Variants in PCDHGA11 observed in about 807,000 individuals in gnomAD.
The protein encoded by PCDHGA11 is protocadherin gamma subfamily A, 11.
A neutral mutation model predicts 60.4 loss-of-function variants in PCDHGA11; 39 were observed. The observed-to-expected ratio is 0.65, with a 90% CI of 0.50 to 0.84. The LOEUF is 0.84. Ranked by LOEUF, PCDHGA11 falls within the 40% of genes least tolerant of loss-of-function variation. The probability of loss-of-function intolerance (pLI) is 0.00; values close to 1 mark genes in which losing one functional copy is unlikely to be tolerated. For missense variants in PCDHGA11, 1,165 were observed against 1,197.7 expected, an observed-to-expected ratio of 0.97 and a Z score of 0.40; for synonymous variants, 533 against 510.3, an observed-to-expected ratio of 1.04 and a Z score of -0.60.
chr5:141,510,229 C>T (rs904367594), intron 3 of PCDHGA11, among the ~76,000 whole-genome samples: 3 of 150,486 alleles, frequency 2.0e-5, no homozygotes, highest in African/African-American at 7.4e-5. Context: ...GCCGGGATCG[C>T]GCCACTGCAC....
At chr5:141,426,702 C>CA (rs1187798274) in intron 1 of PCDHGA11, 1 of 439,184 alleles carries the variant, frequency 2.3e-6, no homozygotes, top group Admixed American at 2.4e-5. Context: ...CATTGTTTTA[C>CA]AAATCAATGA....
chr5:141,455,255 C>T (rs1049752169), intron 1 of PCDHGA11, among the ~76,000 whole-genome samples: 16 of 152,146 alleles, frequency 1.1e-4, no homozygotes, highest in African/African-American at 3.9e-4. Flanking sequence ...AGTACAATCG[C>T]ATTTCTTCCC....
intron 1 of PCDHGA11, among the ~76,000 whole-genome samples, chr5:141,467,361 G>A (rs555435172): frequency 1.3e-5 from 2 of 151,860 alleles, no homozygotes; most frequent in South Asian, 4.2e-4. Context: ...CCAAATCAAC[G>A]TTTTCTTATA....
At chr5:141,437,445 T>C (rs187869679) in intron 1 of PCDHGA11, among the ~76,000 whole-genome samples, 1 of 152,348 alleles carries the variant, frequency 6.6e-6, no homozygotes, top group East Asian at 1.9e-4. Flanking sequence ...CATAGGAATG[T>C]TGAGGAGACT....
intron 1 of PCDHGA11, among the ~76,000 whole-genome samples, chr5:141,433,395 CTA>C (rs1426636882): frequency 1.1e-4 from 17 of 150,770 alleles, no homozygotes; most frequent in African/African-American, 4.1e-4. Flanking sequence ...ATCTATCTAT[CTA>C]TCTATCTATT....
intron 1 of PCDHGA11, among the ~76,000 whole-genome samples, chr5:141,467,008 A>AT (rs1165146249): frequency 6.7e-6 from 1 of 150,270 alleles, no homozygotes; most frequent in Non-Finnish European, 1.5e-5. Context: ...TTGCAATGCA[A>AT]TTTTTTTCCC....
chr5:141,422,988 C>T lies in PCDHGA11; in HGVS notation c.1761C>T (p.Tyr587=). The change falls in exon 1 of 4, where the codon TAC becomes TAT. Residue 587 remains tyrosine (Y), a synonymous_variant. Transcript: ENST00000398587. ...ELAPRSAEPG[Y]LVTKVVAVDK... ...CGCCCCGCTCTGCGGAACCTGGCTA[C>T]CTGGTGACCAAGGTGGTTGCGGTGG... 6.2e-7 allele frequency: 1 copy of T among 1,614,232 alleles called. No individual in the cohort carries two copies. Among genetic ancestry groups the T allele is most frequent in the Non-Finnish European group, 8.5e-7 (1 of 1,180,032 alleles).
At chr5:141,450,770 AG>A (rs1354382498) in intron 1 of PCDHGA11, among the ~76,000 whole-genome samples, 1 of 151,448 alleles carries the variant, frequency 6.6e-6, no homozygotes, top group Non-Finnish European at 1.5e-5. Context: ...TACAGGCATG[AG>A]CCACCGTGCC....
In PCDHGA11 at chr5:141,489,993, C is replaced by A; in HGVS notation, c.2434-4814C>A. 6.2e-7 allele frequency: 1 copy of A among 1,614,186 alleles called. No individual in the cohort carries two copies. The highest frequency in any genetic ancestry group is 1.1e-5 in the South Asian group (1 of 91,088). On this transcript the variant is annotated intron_variant, in intron 1 of 3. Transcript: ENST00000398587. The surrounding 1 kb of genome is among the most constrained non-coding windows in gnomAD (Gnocchi z 4.5). ...AATCCTCAGTTCTACGTGTGGGAATCCCAGAGAATGCACCCATTGGTACTC... is the reference window on the plus strand; with the variant it reads ...AATCCTCAGTTCTACGTGTGGGAATACCAGAGAATGCACCCATTGGTACTC...
chr5:141,437,074 A>G (rs1455066447), intron 1 of PCDHGA11, among the ~76,000 whole-genome samples: 1 of 152,250 alleles, frequency 6.6e-6, no homozygotes, highest in Non-Finnish European at 1.5e-5. Flanking sequence ...GGTTTGGGCC[A>G]TATAAGAATT....
rs766164142 is a variant in PCDHGA11, at chr5:141,477,910, G to T, written c.2434-16897G>T. ...TGTCACGGGTGGTAGGCTGGGACGC[G>T]GATGCAGGGCACAATGCCTGGCTCT... On this transcript the variant is annotated intron_variant, in intron 1 of 3. Transcript: ENST00000398587. This position sits in a 1 kb window ranked among gnomAD's most constrained non-coding sequence, Gnocchi z 4.9. The T allele has an allele frequency of 6.2e-7, 1 of 1,614,048 alleles. No individual in the cohort carries two copies. Among genetic ancestry groups the T allele is most frequent in the African/African-American group, 1.3e-5 (1 of 74,932 alleles).
intron 1 of PCDHGA11, among the ~76,000 whole-genome samples, chr5:141,439,221 T>G (rs145700274): frequency 1.2e-3 from 182 of 151,852 alleles, no homozygotes; most frequent in African/African-American, 4.3e-3. Flanking sequence ...ATGTGAAAAT[T>G]CTTAGAAGCT....
intron 1 of PCDHGA11, among the ~76,000 whole-genome samples, chr5:141,454,607 T>C (rs1207742002): frequency 6.6e-6 from 1 of 151,574 alleles, no homozygotes; most frequent in Non-Finnish European, 1.5e-5. Flanking sequence ...GGTTTCTCCA[T>C]GTTGGTCAGG....
At chr5:141,424,772 G>A (rs2096839878) in intron 1 of PCDHGA11, 1 of 152,086 alleles carries the variant, frequency 6.6e-6, no homozygotes, top group Non-Finnish European at 1.5e-5. Flanking sequence ...ATGGCAAATA[G>A]TACATTCAGT....
Position 141,505,556 on chromosome 5 carries a change from C to T in PCDHGA11, c.2581+75C>T, listed in dbSNP as rs2233611. ...GGGTGCATCTCACAGCCACCATGCC[C>T]ACGGACTGGATGTCAAACCTGTGTA... On this transcript the variant is annotated intron_variant, in intron 3 of 3. Transcript: ENST00000398587. 1,282 of 1,606,040 alleles carry T rather than the reference C, an allele frequency of 8.0e-4. 6 individuals are homozygous for T. In the African/African-American group the frequency reaches 0.013, roughly 16 times the overall value.
chr5:141,495,424 A>C (rs927637242), intron 2 of PCDHGA11, among the ~76,000 whole-genome samples: 1 of 152,088 alleles, frequency 6.6e-6, no homozygotes, highest in African/African-American at 2.4e-5. Context: ...CCCTCCTCCC[A>C]CTGTCCTCTG....
intron 2 of PCDHGA11, among the ~76,000 whole-genome samples, chr5:141,498,828 G>C (rs2099786098): frequency 6.6e-6 from 1 of 152,092 alleles, no homozygotes; most frequent in Non-Finnish European, 1.5e-5. Flanking sequence ...AGCTACTCAG[G>C]AGGCTGAGGC....
At position 141,421,994 on chromosome 5, in the gene PCDHGA11, T is replaced by A. The variant is rs765586654; in HGVS notation, c.767T>A (p.Ile256Asn). 3 of 1,608,922 alleles carry A rather than the reference T, an allele frequency of 1.9e-6. No individual in the cohort carries two copies. The highest frequency in any genetic ancestry group is 2.5e-6 in the Non-Finnish European group (3 of 1,177,804). Residue 256 changes from isoleucine to asparagine, a missense_variant, in exon 1 of 4, where the codon ATC (isoleucine) becomes AAC (asparagine). Physicochemically the swap from Ile to Asn is moderately radical, Grantham distance 149. Coordinates refer to ENST00000398587, the MANE Select transcript of PCDHGA11 (RefSeq NM_018914.3). ...SVYRVSVPEN[I>N]SSGTRVLMVN... The stretch of plus-strand genomic sequence containing the variant: ...TATCGCGTGAGTGTTCCAGAAAACA[T>A]CAGCTCCGGAACTCGGGTGCTGATG...
intron 3 of PCDHGA11, among the ~76,000 whole-genome samples, chr5:141,506,943 T>A (rs2099857373): frequency 6.6e-6 from 1 of 152,192 alleles, no homozygotes; most frequent in South Asian, 2.1e-4. Context: ...GGGCCTCCTG[T>A]CAATGAATCC....
Sources: gnomAD v4.1 joint callset for allele counts (sites outside exome capture counted in the v4.1 genomes callset) on GRCh38, gnomAD v4.1.1 for gene constraint, Gnocchi (gnomAD v3.1) non-coding constraint, MANE v1.5 for transcripts, NCBI Gene and HGNC (gene_info 2026-07-23, HGNC 2026-07-21) for gene names.